The following NPIPB2 variants were observed in gnomAD, a reference collection of about 807,000 sequenced individuals.
NPIPB2 encodes the protein nuclear pore complex interacting protein family member B2, also known as nuclear pore complex-interacting protein family member B2.
A neutral mutation model predicts 30.8 loss-of-function variants in NPIPB2; 27 were observed. The observed-to-expected ratio is 0.88, with a 90% CI of 0.65 to 1.21. The LOEUF is 1.21. Among genes scored for constraint, NPIPB2 ranks in the 50% most tolerant of loss-of-function variants. The pLI is 0.00. For missense variants in NPIPB2, 440 were observed against 446.2 expected (o/e 0.99, Z 0.13); for synonymous variants, 147 against 162.0 (o/e 0.91, Z 0.70).
chr16:11,949,425 A>T (rs138640239), intron 1 of NPIPB2, among the ~76,000 whole-genome samples: 85 of 152,270 alleles, frequency 5.6e-4, no homozygotes, highest in African/African-American at 1.9e-3. Context: ...CTCATGTGAC[A>T]CCAGGGTCCT....
At chr16:11,972,920 G>A (rs2055244698) in intron 1 of NPIPB2, among the ~76,000 whole-genome samples, 2 of 152,136 alleles carry the variant, frequency 1.3e-5, no homozygotes, top group South Asian at 2.1e-4. Flanking sequence ...CAGCACTTTG[G>A]GAGGCCGAGG....
intron 1 of NPIPB2, among the ~76,000 whole-genome samples, chr16:11,940,504 T>C (rs1300189820): frequency 3.3e-5 from 5 of 150,230 alleles, no homozygotes; most frequent in East Asian, 2.0e-4. Context: ...ACTGGGAGGC[T>C]GAGGCAGGCG....
intron 4 of NPIPB2, among the ~76,000 whole-genome samples, chr16:11,931,478 A>G (rs1418153372): frequency 1.3e-5 from 2 of 151,506 alleles, no homozygotes; most frequent in African/African-American, 2.4e-5. Flanking sequence ...AAGTTAATGA[A>G]CTTGTTTCTG....
At chr16:11,948,594 G>A (rs10468251) in intron 1 of NPIPB2, among the ~76,000 whole-genome samples, 12,422 of 151,258 alleles carry the variant, frequency 0.082, 782 homozygotes, top group Admixed American at 0.18. Context: ...GTGAAACCCC[G>A]TCTCTACTAA....
chr16:11,967,961 C>G, intron 1 of NPIPB2: 3 of 1,218,680 alleles, frequency 2.5e-6, no homozygotes, highest in East Asian at 2.5e-5. Flanking sequence ...GCTTTTTGTC[C>G]TCTAACTGTG....
intron 1 of NPIPB2, among the ~76,000 whole-genome samples, chr16:11,964,557 G>A (rs1193970015): frequency 1.3e-5 from 2 of 152,062 alleles, no homozygotes; most frequent in Admixed American, 6.6e-5. Flanking sequence ...TGGGATCATA[G>A]GTGCCTGCCA....
intron 1 of NPIPB2, among the ~76,000 whole-genome samples, chr16:11,951,614 G>GCACAGA (rs879567544): frequency 0.087 from 8,619 of 99,220 alleles, 410 homozygotes; most frequent in Non-Finnish European, 0.14. Context: ...GATGGACACT[G>GCACAGA]CACATACACA....
intron 1 of NPIPB2, chr16:11,967,874 A>C: frequency 6.2e-7 from 1 of 1,602,994 alleles, no homozygotes; most frequent in Admixed American, 1.7e-5. Flanking sequence ...GAGCAGTGCC[A>C]CTTTAAAAAT....
At chr16:11,933,273 C>G (rs1407279311) in intron 4 of NPIPB2, among the ~76,000 whole-genome samples, 1 of 150,076 alleles carries the variant, frequency 6.7e-6, no homozygotes, top group Non-Finnish European at 1.5e-5. Flanking sequence ...AAAAAAGAGA[C>G]AGAGAAAGGA....
chr16:11,941,092 C>T (rs1452892227), intron 1 of NPIPB2: 5 of 1,375,952 alleles, frequency 3.6e-6, no homozygotes, highest in South Asian at 1.2e-5. Flanking sequence ...GATTACAGGC[C>T]TGAGCTGTGT....
chr16:11,952,158 A>AC (rs2055072329), intron 1 of NPIPB2, among the ~76,000 whole-genome samples: 1 of 107,720 alleles, frequency 9.3e-6, no homozygotes. Context: ...GCCTCAAAAA[A>AC]AAAAACAAAA....
At chr16:11,941,613 G>T (rs539665240) in intron 1 of NPIPB2, among the ~76,000 whole-genome samples, 4 of 43,540 alleles carry the variant, frequency 9.2e-5, no homozygotes, top group African/African-American at 4.9e-4. Context: ...GGAGACAAAG[G>T]TTCTGCTATC....
At chr16:11,959,994 C>G (rs1401791286) in intron 1 of NPIPB2, among the ~76,000 whole-genome samples, 1 of 152,152 alleles carries the variant, frequency 6.6e-6, no homozygotes, top group Non-Finnish European at 1.5e-5. Flanking sequence ...CAGGCTGTCT[C>G]GAACTACTGG....
intron 2 of NPIPB2, among the ~76,000 whole-genome samples, chr16:11,936,108 A>C (rs1443476367): frequency 6.8e-6 from 1 of 147,790 alleles, no homozygotes; most frequent in Non-Finnish European, 1.5e-5. Flanking sequence ...TTTTGAGACT[A>C]GCCTGGCCAA....
At chr16:11,959,016 C>G (rs1025054269) in intron 1 of NPIPB2, among the ~76,000 whole-genome samples, 1 of 152,122 alleles carries the variant, frequency 6.6e-6, no homozygotes, top group Non-Finnish European at 1.5e-5. Context: ...TTTAGTTTGC[C>G]CCTGTATGGC....
intron 1 of NPIPB2, among the ~76,000 whole-genome samples, chr16:11,956,753 C>T (rs2055116006): frequency 1.3e-5 from 2 of 152,234 alleles, no homozygotes; most frequent in African/African-American, 4.8e-5. Context: ...GATGCTCATG[C>T]TGGCATTGGA....
intron 1 of NPIPB2, among the ~76,000 whole-genome samples, chr16:11,950,196 C>G (rs1406931341): frequency 6.6e-6 from 1 of 152,034 alleles, no homozygotes; most frequent in Admixed American, 6.6e-5. Flanking sequence ...CCACCCCTGG[C>G]TAATTTTTAT....
chr16:11,961,670 C>T (rs1287885909), intron 1 of NPIPB2, among the ~76,000 whole-genome samples: 1 of 151,042 alleles, frequency 6.6e-6, no homozygotes, highest in African/African-American at 2.4e-5. Flanking sequence ...ATCCCAGCTA[C>T]TAGGGAGGCT....
At chr16:11,961,551 G>T (rs540030986) in intron 1 of NPIPB2, among the ~76,000 whole-genome samples, 1 of 152,012 alleles carries the variant, frequency 6.6e-6, no homozygotes, top group African/African-American at 2.4e-5. Flanking sequence ...AGGCCGAGGC[G>T]GGCGAATCAC....
Sources: gnomAD v4.1 joint callset for allele counts (sites outside exome capture counted in the v4.1 genomes callset) on GRCh38, gnomAD v4.1.1 for gene constraint, MANE v1.5 for transcripts, NCBI Gene and HGNC (gene_info 2026-07-23, HGNC 2026-07-21) for gene names.